CFAP299: variants seen among roughly 807,000 people sequenced by gnomAD.
CFAP299 encodes the protein cilia and flagella associated protein 299.
In CFAP299, 21 loss-of-function variants were observed where a neutral mutation model predicts 27.0. That is an observed-to-expected ratio of 0.78 (90% CI 0.55 to 1.12). The LOEUF (loss-of-function observed/expected upper bound fraction) is 1.12. Ranked by LOEUF, CFAP299 falls within the 50% of genes most tolerant of loss-of-function variation. CFAP299 has a pLI of 0.00. For missense variants in CFAP299, 310 were observed against 276.6 expected (o/e 1.12, Z -0.86); for synonymous variants, 104 against 98.1 (o/e 1.06, Z -0.36).
intron 2 of CFAP299, among the ~76,000 whole-genome samples, chr4:80,542,070 C>T (rs957488394): frequency 1.3e-5 from 2 of 152,024 alleles, no homozygotes; most frequent in Admixed American, 1.3e-4. Context: ...CTCTCTAGTG[C>T]CTTGGCGCAT....
At chr4:80,507,525 T>A (rs77287495) in intron 2 of CFAP299, among the ~76,000 whole-genome samples, 191 of 150,250 alleles carry the variant, frequency 1.3e-3, no homozygotes, top group African/African-American at 4.5e-3. Flanking sequence ...CTTTCTTGGA[T>A]CTTTTATAAG....
At chr4:80,824,327 G>A (rs1292600615) in intron 3 of CFAP299, among the ~76,000 whole-genome samples, 2 of 152,168 alleles carry the variant, frequency 1.3e-5, no homozygotes, top group African/African-American at 4.8e-5. Flanking sequence ...GCAGGTAGCT[G>A]TGCATGTTTA....
At chr4:80,843,897 G>GC (rs527836071) in intron 3 of CFAP299, among the ~76,000 whole-genome samples, 5,189 of 151,576 alleles carry the variant, frequency 0.034, 190 homozygotes, top group African/African-American at 0.096. Flanking sequence ...ATCTCCTAAT[G>GC]TATCCCTCCC....
intron 3 of CFAP299, among the ~76,000 whole-genome samples, chr4:80,648,241 C>A (rs1481824253): frequency 6.6e-6 from 1 of 151,998 alleles, no homozygotes; most frequent in Non-Finnish European, 1.5e-5. Flanking sequence ...GCTATGCTTT[C>A]CAGAAACTGA....
intron 2 of CFAP299, among the ~76,000 whole-genome samples, chr4:80,468,047 CAG>C (rs1271392427): frequency 1.3e-5 from 2 of 152,122 alleles, no homozygotes; most frequent in Non-Finnish European, 2.9e-5. Flanking sequence ...GGTGGGAACA[CAG>C]AGCCAAACCA....
chr4:80,509,776 G>A (rs1732205360), intron 2 of CFAP299, among the ~76,000 whole-genome samples: 1 of 152,016 alleles, frequency 6.6e-6, no homozygotes, highest in Non-Finnish European at 1.5e-5. Context: ...ATTGACATGA[G>A]TGATGAGACA....
At chr4:80,620,932 G>T (rs565064919) in intron 3 of CFAP299, among the ~76,000 whole-genome samples, 2 of 152,194 alleles carry the variant, frequency 1.3e-5, no homozygotes, top group South Asian at 4.1e-4. Flanking sequence ...GTGTCTCACA[G>T]ACAGTGATTA....
rs557328381 is a variant in CFAP299 at position 80,857,617 on chromosome 4, C to T, written c.334-12376C>T. On this transcript the variant is annotated intron_variant, in intron 3 of 5. Coordinates refer to ENST00000358105, the MANE Select transcript of CFAP299 (RefSeq NM_152770.3). ...TTAATTGAGAGTTTTTAGCATGAAG[C>T]GTTGTTGAATTTTGTCAAAGGCCTT... Among the ~76,000 whole-genome samples the T allele has an allele frequency of 9.3e-4, 142 of 152,124 alleles. 1 individual carries two copies. Among genetic ancestry groups the T allele is most frequent in the African/African-American group, 3.2e-3 (133 of 41,488 alleles).
At chr4:80,554,524 T>C (rs1335406227) in intron 2 of CFAP299, among the ~76,000 whole-genome samples, 1 of 144,682 alleles carries the variant, frequency 6.9e-6, no homozygotes, top group Non-Finnish European at 1.5e-5. Context: ...TTTTTTTTTT[T>C]GTCATGTGAA....
intron 3 of CFAP299, among the ~76,000 whole-genome samples, chr4:80,780,151 C>T (rs1440170673): frequency 6.6e-6 from 1 of 152,080 alleles, no homozygotes; most frequent in Non-Finnish European, 1.5e-5. Context: ...GCAAATCCTA[C>T]TTCTTCTTTA....
At chr4:80,667,912 T>C (rs1467690882) in intron 3 of CFAP299, among the ~76,000 whole-genome samples, 3 of 152,148 alleles carry the variant, frequency 2.0e-5, no homozygotes, top group African/African-American at 7.2e-5. Flanking sequence ...TTTTCCATAC[T>C]GGCTGCATTA....
chr4:80,883,273 A>C (rs1355437444), intron 4 of CFAP299, among the ~76,000 whole-genome samples: 16 of 152,142 alleles, frequency 1.1e-4, no homozygotes, highest in Admixed American at 1.0e-3. Flanking sequence ...GGTAAACACA[A>C]ATTAAACCTG....
At chr4:80,733,608 C>T (rs1030914408) in intron 3 of CFAP299, among the ~76,000 whole-genome samples, 2 of 152,036 alleles carry the variant, frequency 1.3e-5, no homozygotes, top group African/African-American at 2.4e-5. Context: ...ACCCCATTCC[C>T]TGCCTCCCAC....
intron 4 of CFAP299, among the ~76,000 whole-genome samples, chr4:80,896,888 A>G (rs1158944688): frequency 6.6e-6 from 1 of 152,156 alleles, no homozygotes; most frequent in Non-Finnish European, 1.5e-5. Context: ...ATAATAATTT[A>G]TTATAAGGGC....
intron 3 of CFAP299, among the ~76,000 whole-genome samples, chr4:80,782,700 C>CAT (rs1018674897): frequency 1.8e-5 from 2 of 113,744 alleles, no homozygotes; most frequent in Non-Finnish European, 4.0e-5. Flanking sequence ...ATAATATATT[C>CAT]ATATATAATA....
intron 1 of CFAP299, among the ~76,000 whole-genome samples, chr4:80,339,627 A>G (rs759717184): frequency 3.3e-4 from 51 of 152,254 alleles, no homozygotes; most frequent in Non-Finnish European, 5.6e-4. Flanking sequence ...GAAATGCATC[A>G]CTGTATCAGC....
chr4:80,604,625 C>G (rs1043578831), intron 3 of CFAP299, among the ~76,000 whole-genome samples: 7 of 152,130 alleles, frequency 4.6e-5, no homozygotes, highest in African/African-American at 1.4e-4. Flanking sequence ...GGTGGCCTGA[C>G]AGCAGACCCT....
At chr4:80,465,671 A>G (rs1729665289) in intron 2 of CFAP299, among the ~76,000 whole-genome samples, 1 of 152,226 alleles carries the variant, frequency 6.6e-6, no homozygotes, top group Non-Finnish European at 1.5e-5. Flanking sequence ...GGAAGAGTGA[A>G]AGAGAAAAAA....
chr4:80,733,057 T>A (rs895945036), intron 3 of CFAP299, among the ~76,000 whole-genome samples: 1 of 152,064 alleles, frequency 6.6e-6, no homozygotes, highest in African/African-American at 2.4e-5. Context: ...GCTATAATTT[T>A]GAGATAATCA....
Sources: allele counts gnomAD v4.1 joint callset (sites outside exome capture counted in the v4.1 genomes callset), GRCh38; gene constraint gnomAD v4.1.1; transcripts MANE v1.5; gene names NCBI Gene and HGNC (gene_info 2026-07-23, HGNC 2026-07-21).